Variants in DNER observed in about 807,000 individuals in gnomAD.
The protein encoded by DNER is delta and Notch-like epidermal growth factor-related receptor.
A neutral mutation model predicts 78.2 loss-of-function variants in DNER; 33 were observed. That is an observed-to-expected ratio of 0.42 (90% confidence interval 0.32 to 0.56). DNER has a LOEUF of 0.56. Among genes scored for constraint, DNER ranks in the 20% least tolerant of loss-of-function variants. DNER has a pLI of 0.11. For missense variants in DNER, 918 were observed against 975.3 expected, an observed-to-expected ratio of 0.94 and a Z score of 0.78; for synonymous variants, 417 against 384.8, an observed-to-expected ratio of 1.08 and a Z score of -0.98.
At chr2:229,372,004 G>A (rs1011672253) in intron 11 of DNER, among the ~76,000 whole-genome samples, 10 of 152,192 alleles carry the variant, frequency 6.6e-5, no homozygotes, top group Admixed American at 3.3e-4. Flanking sequence ...AGCAGTCAGT[G>A]AGATTGAAAA....
chr2:229,414,054 T>G (rs1693591562), intron 9 of DNER, among the ~76,000 whole-genome samples: 3 of 152,014 alleles, frequency 2.0e-5, no homozygotes, highest in Admixed American at 6.6e-5. Context: ...CACAGGATCA[T>G]GTGGCCTCTC....
intron 9 of DNER, among the ~76,000 whole-genome samples, chr2:229,415,165 A>C (rs1693618401): frequency 6.6e-6 from 1 of 151,232 alleles, no homozygotes; most frequent in Non-Finnish European, 1.5e-5. Context: ...TCCATCACAA[A>C]AAAAAAAAGT....
intron 6 of DNER, among the ~76,000 whole-genome samples, chr2:229,504,630 C>T (rs1695698008): frequency 6.6e-6 from 1 of 152,126 alleles, no homozygotes; most frequent in South Asian, 2.1e-4. Context: ...CACAAAATTG[C>T]CTAATATTTA....
chr2:229,711,132 G>A (rs1284644872), intron 1 of DNER, among the ~76,000 whole-genome samples: 1 of 152,068 alleles, frequency 6.6e-6, no homozygotes, highest in Non-Finnish European at 1.5e-5. Context: ...TGGCTTGTGG[G>A]TTTTGCTGCA....
chr2:229,512,972 G>A (rs1187019074), intron 5 of DNER, 36 bp from the exon 6 acceptor site: 3 of 1,601,760 alleles, frequency 1.9e-6, no homozygotes, highest in Middle Eastern at 3.3e-4. Context: ...CTATTACCTG[G>A]CACCTCTCAA....
At chr2:229,378,524 G>A (rs1466949758) in intron 11 of DNER, among the ~76,000 whole-genome samples, 1 of 152,174 alleles carries the variant, frequency 6.6e-6, no homozygotes, top group African/African-American at 2.4e-5. Flanking sequence ...CAAGCAATGT[G>A]GCCTCTGAAG....
chr2:229,432,261 A>T (rs769117852), intron 8 of DNER, among the ~76,000 whole-genome samples: 6 of 152,198 alleles, frequency 3.9e-5, no homozygotes, highest in African/African-American at 7.2e-5. Context: ...GAGGTGAGGA[A>T]GATGATAAGA....
intron 8 of DNER, among the ~76,000 whole-genome samples, chr2:229,434,956 A>G (rs1357642256): frequency 3.3e-5 from 5 of 151,918 alleles, no homozygotes; most frequent in Admixed American, 1.3e-4. Flanking sequence ...ACACGTGCAC[A>G]CACACACACA....
At chr2:229,554,526 T>G (rs538450921) in intron 4 of DNER, among the ~76,000 whole-genome samples, 1 of 152,120 alleles carries the variant, frequency 6.6e-6, no homozygotes, top group South Asian at 2.1e-4. Context: ...ACTCCATCTG[T>G]ACTAAAAATA....
At position 229,591,773 on chromosome 2, in the gene DNER, T is replaced by C. The variant is rs1430056670; in HGVS notation, c.392A>G (p.Asn131Ser). The C allele has an allele frequency of 1.2e-6, 2 of 1,613,998 alleles. No homozygotes were observed. Among genetic ancestry groups the C allele is most frequent in the East Asian group, 4.5e-5 (2 of 44,888 alleles). ...GAGACTGGGAAGTGCCTGTTCACAG[T>C]TGGGACCTTCATAGCCTTCATTGCA... ...CICNEGYEGP[N>S]CEQALPSLPA... The change falls in exon 2 of 13, where the codon AAC (asparagine) becomes AGC (serine). Residue 131 changes from asparagine to serine, a missense_variant. Transcript: ENST00000341772. The surrounding 1 kb of genome is among the most constrained non-coding windows in gnomAD (Gnocchi z 4.6).
At chr2:229,413,828 T>C (rs1233393810) in intron 9 of DNER, among the ~76,000 whole-genome samples, 2 of 151,566 alleles carry the variant, frequency 1.3e-5, no homozygotes, top group East Asian at 3.9e-4. Context: ...AAATTACCAC[T>C]TAAAAAGTAT....
rs1391674048 is a variant in DNER, at chr2:229,636,811, T to TA, written c.277-44924dup. ...ATGGAATGTAAGAGGAAGGCACAGG[T>TA]ACCAGATCCAGGCCTGGCCATACAA... is the stretch of plus-strand genomic sequence containing the variant. On this transcript the variant is annotated intron_variant, in intron 1 of 12. Coordinates refer to ENST00000341772, the MANE Select transcript of DNER (RefSeq NM_139072.4). 3.3e-5 allele frequency among the ~76,000 whole-genome samples: 5 copies of TA among 152,106 alleles called. No individual in the cohort carries two copies. In the East Asian group the frequency reaches 9.6e-4, roughly 29 times the overall value.
chr2:229,566,447 A>G (rs749783649), intron 4 of DNER, among the ~76,000 whole-genome samples: 7 of 152,190 alleles, frequency 4.6e-5, no homozygotes, highest in Non-Finnish European at 8.8e-5. Context: ...GAACTAACCA[A>G]TGTATTGCAA....
At chr2:229,598,291 G>A (rs892787011) in intron 1 of DNER, among the ~76,000 whole-genome samples, 14 of 152,210 alleles carry the variant, frequency 9.2e-5, no homozygotes, top group African/African-American at 2.9e-4. Context: ...TACTTTTACA[G>A]ACAACTCAAT....
chr2:229,450,479 A>G (rs1335683203), intron 7 of DNER, among the ~76,000 whole-genome samples: 1 of 152,218 alleles, frequency 6.6e-6, no homozygotes, highest in Non-Finnish European at 1.5e-5. Context: ...CAAAATTCAT[A>G]TTTTTTAAAA....
At chr2:229,685,323 T>C (rs1699466731) in intron 1 of DNER, among the ~76,000 whole-genome samples, 1 of 152,272 alleles carries the variant, frequency 6.6e-6, no homozygotes, top group Non-Finnish European at 1.5e-5. Flanking sequence ...ATTTCTATCA[T>C]ACTCTGAATT....
At chr2:229,707,180 A>ATTTTTTT (rs397868353) in intron 1 of DNER, among the ~76,000 whole-genome samples, 6 of 94,604 alleles carry the variant, frequency 6.3e-5, no homozygotes, top group Non-Finnish European at 1.2e-4. Context: ...CGGCTGGCTA[A>ATTTTTTT]TTTTTTTTTT....
chr2:229,532,094 A>G (rs1696314256), intron 5 of DNER, among the ~76,000 whole-genome samples: 2 of 152,188 alleles, frequency 1.3e-5, no homozygotes, highest in African/African-American at 2.4e-5. Context: ...TGGCTGCATG[A>G]AGCTGAATGT....
intron 1 of DNER, among the ~76,000 whole-genome samples, chr2:229,683,252 C>G (rs1224474291): frequency 1.3e-5 from 2 of 152,036 alleles, no homozygotes; most frequent in East Asian, 3.9e-4. Context: ...ATGAGGAAAC[C>G]AAGGCTCAGC....
Sources: allele counts gnomAD v4.1 joint callset (sites outside exome capture counted in the v4.1 genomes callset), GRCh38; gene constraint gnomAD v4.1.1; non-coding constraint Gnocchi (gnomAD v3.1); transcripts MANE v1.5; gene names NCBI Gene and HGNC (gene_info 2026-07-23, HGNC 2026-07-21).